Variants in NRG3 observed in about 807,000 individuals in gnomAD.
NRG3 encodes pro-neuregulin-3, membrane-bound isoform.
NRG3 carries 31 observed loss-of-function variants against 66.9 expected under a neutral mutation model. That is an observed-to-expected ratio of 0.46 (90% confidence interval 0.35 to 0.63). The LOEUF is 0.63. Ranked by LOEUF, NRG3 falls within the 20% of genes least tolerant of loss-of-function variation. The pLI is 0.00. For missense variants in NRG3, 910 were observed against 878.9 expected, an observed-to-expected ratio of 1.04 and a Z score of -0.45; for synonymous variants, 393 against 359.4, an observed-to-expected ratio of 1.09 and a Z score of -1.06.
chr10:82,433,369 T>C (rs2136346011), intron 2 of NRG3, among the ~76,000 whole-genome samples: 1 of 152,284 alleles, frequency 6.6e-6, no homozygotes, highest in African/African-American at 2.4e-5. Context: ...ATATTAGACC[T>C]TTCTCAGATG....
chr10:82,466,026 A>T (rs1397253961), intron 2 of NRG3, among the ~76,000 whole-genome samples: 1 of 152,092 alleles, frequency 6.6e-6, no homozygotes, highest in Non-Finnish European at 1.5e-5. Flanking sequence ...GTTTAGATTG[A>T]GGTCCCAACC....
At position 82,890,894 on chromosome 10, in the gene NRG3, C is replaced by A. The variant is rs114338145; in HGVS notation, c.1054+25457C>A. Among the ~76,000 whole-genome samples, 448 of 152,178 alleles carry A rather than the reference C, an allele frequency of 2.9e-3. 4 individuals are homozygous for A. The highest frequency in any genetic ancestry group is 0.011 in the African/African-American group (443 of 41,542). The stretch of plus-strand genomic sequence containing the variant: ...TGTCTCCCCTAAATGAGAATTTGGA[C>A]AATTTTCGTCTTTATTTGACATTTG... On this transcript the variant is annotated intron_variant, in intron 4 of 8. Coordinates refer to ENST00000372141, the MANE Select transcript of NRG3 (RefSeq NM_001010848.4).
intron 3 of NRG3, among the ~76,000 whole-genome samples, chr10:82,784,618 T>C (rs2060264697): frequency 1.3e-5 from 2 of 152,134 alleles, no homozygotes; most frequent in Non-Finnish European, 2.9e-5. Flanking sequence ...TCATCATCAC[T>C]GGCCATCAGA....
At chr10:82,021,750 T>A (rs2062068589) in intron 1 of NRG3, among the ~76,000 whole-genome samples, 1 of 151,598 alleles carries the variant, frequency 6.6e-6, no homozygotes, top group African/African-American at 2.4e-5. Flanking sequence ...GATGGCGTTG[T>A]TTACTGAAAC....
At chr10:82,001,195 GA>G (rs775801982) in intron 1 of NRG3, among the ~76,000 whole-genome samples, 9,047 of 119,736 alleles carry the variant, frequency 0.076, 811 homozygotes, top group African/African-American at 0.23. Context: ...AAGTGTAAGA[GA>G]AAAAAAAAAA....
intron 1 of NRG3, among the ~76,000 whole-genome samples, chr10:82,257,522 C>A (rs1051594001): frequency 1.3e-5 from 2 of 152,138 alleles, no homozygotes; most frequent in African/African-American, 2.4e-5. Flanking sequence ...GTAATCCCAG[C>A]ACTTTGGGAG....
chr10:82,095,000 G>A (rs1486346392), intron 1 of NRG3, among the ~76,000 whole-genome samples: 2 of 152,054 alleles, frequency 1.3e-5, no homozygotes, highest in Non-Finnish European at 2.9e-5. Flanking sequence ...TATTCATGTG[G>A]CATAACTGGA....
At chr10:82,615,810 G>A (rs1350555365) in intron 2 of NRG3, among the ~76,000 whole-genome samples, 2 of 152,104 alleles carry the variant, frequency 1.3e-5, no homozygotes, top group East Asian at 3.9e-4. Context: ...GAGGGAGATG[G>A]GAAAGGGAAG....
intron 4 of NRG3, among the ~76,000 whole-genome samples, chr10:82,879,565 C>A (rs1048402612): frequency 1.6e-4 from 24 of 151,678 alleles, no homozygotes; most frequent in Non-Finnish European, 2.8e-4. Context: ...CTCCACCTCC[C>A]GGCTTCACGC....
chr10:82,488,525 GTA>G (rs1842858374), intron 2 of NRG3, among the ~76,000 whole-genome samples: 1 of 152,184 alleles, frequency 6.6e-6, no homozygotes, highest in African/African-American at 2.4e-5. Context: ...TAATTGCAAA[GTA>G]TGCTAAGTAC....
intron 1 of NRG3, among the ~76,000 whole-genome samples, chr10:82,275,337 A>G (rs1268787200): frequency 1.3e-5 from 2 of 151,928 alleles, no homozygotes; most frequent in African/African-American, 2.4e-5. Context: ...CTTGGACAGT[A>G]TCTCCTTAGG....
At chr10:82,235,615 T>A (rs181536294) in intron 1 of NRG3, among the ~76,000 whole-genome samples, 1 of 152,208 alleles carries the variant, frequency 6.6e-6, no homozygotes, top group African/African-American at 2.4e-5. Flanking sequence ...TTATCTCTCA[T>A]AGAGCTCTAT....
chr10:81,878,814 A>G (rs1352286894), intron 1 of NRG3, among the ~76,000 whole-genome samples: 4 of 152,106 alleles, frequency 2.6e-5, no homozygotes. Flanking sequence ...TTGCTCTTGC[A>G]TTGGATACCT....
chr10:82,213,445 T>G (rs2075504617), intron 1 of NRG3, among the ~76,000 whole-genome samples: 1 of 152,216 alleles, frequency 6.6e-6, no homozygotes, highest in Non-Finnish European at 1.5e-5. Context: ...AAGGTGGATA[T>G]GAAACAAAAG....
intron 1 of NRG3, among the ~76,000 whole-genome samples, chr10:82,173,721 C>T (rs2072816144): frequency 7.6e-6 from 1 of 131,360 alleles, no homozygotes; most frequent in Admixed American, 7.6e-5. Flanking sequence ...AAAGAGAGAC[C>T]CAGAGACAAG....
intron 1 of NRG3, among the ~76,000 whole-genome samples, chr10:82,100,803 A>T (rs1157343698): frequency 6.6e-6 from 1 of 152,034 alleles, no homozygotes; most frequent in Non-Finnish European, 1.5e-5. Context: ...TCTGTGTTCA[A>T]CAGGAATATT....
intron 1 of NRG3, among the ~76,000 whole-genome samples, chr10:82,025,652 T>C (rs756374382): frequency 9.2e-5 from 14 of 152,248 alleles, no homozygotes; most frequent in Admixed American, 3.3e-4. Flanking sequence ...AAAATTAAGA[T>C]TTTAAGTTTT....
At position 82,268,155 on chromosome 10, in the gene NRG3, C is replaced by G. The variant is rs907706537; in HGVS notation, c.824-90584C>G. On this transcript the variant is annotated intron_variant, in intron 1 of 8. Transcript: ENST00000372141. ...AGTAGAAATGAAACCACACCTGTTTCCCTCCTGGAGTGAGCCCTCATTGAA... is the reference window on the plus strand; with the variant it reads ...AGTAGAAATGAAACCACACCTGTTTGCCTCCTGGAGTGAGCCCTCATTGAA... Among the ~76,000 whole-genome samples, 6 of 152,136 alleles carry G rather than the reference C, an allele frequency of 3.9e-5. No individual in the cohort carries two copies. In the South Asian group the frequency reaches 1.0e-3, roughly 26 times the overall value.
At chr10:82,213,853 A>G (rs957886554) in intron 1 of NRG3, among the ~76,000 whole-genome samples, 1 of 152,200 alleles carries the variant, frequency 6.6e-6, no homozygotes, top group Non-Finnish European at 1.5e-5. Context: ...ATCATTTTAT[A>G]TAATAGGAAT....
Sources: gnomAD v4.1 joint callset for allele counts (sites outside exome capture counted in the v4.1 genomes callset) on GRCh38, gnomAD v4.1.1 for gene constraint, MANE v1.5 for transcripts, NCBI Gene and HGNC (gene_info 2026-07-23, HGNC 2026-07-21) for gene names.